LMTK2: variants seen among roughly 807,000 people sequenced by gnomAD.
The protein encoded by LMTK2 is serine/threonine-protein kinase LMTK2.
A neutral mutation model predicts 127.5 loss-of-function variants in LMTK2; 37 were observed. The observed-to-expected ratio is 0.29, with a 90% CI of 0.22 to 0.38. LMTK2 has a LOEUF of 0.38. LMTK2 is among the 10% of genes least tolerant of loss of function. The pLI, the probability that LMTK2 is intolerant of heterozygous loss-of-function variation, is 1.00. For synonymous variants in LMTK2, 819 were observed against 810.1 expected (o/e 1.01, Z -0.19); for missense variants, 1,694 against 1,920.3 (o/e 0.88, Z 2.20).
rs1562905438 is a variant in LMTK2 at position 98,148,141 on chromosome 7, C to T, written c.377-3241C>T. Reference sequence around the variant, plus strand: ...AACCCAAGAGGCAGAGGTTGCAGTGCGGGATTGCACTGTTGCACTCCAGCC... The same window carrying T: ...AACCCAAGAGGCAGAGGTTGCAGTGTGGGATTGCACTGTTGCACTCCAGCC... On this transcript the variant is annotated intron_variant, in intron 3 of 13. Transcript: ENST00000297293. Among the ~76,000 whole-genome samples the T allele has an allele frequency of 3.3e-5, 5 of 150,008 alleles. No homozygotes were observed. The South Asian group carries it at 6.4e-4, about 19-fold the overall frequency.
chr7:98,107,700 C>T (rs1796134648), intron 1 of LMTK2, among the ~76,000 whole-genome samples: 1 of 152,194 alleles, frequency 6.6e-6, no homozygotes, highest in Non-Finnish European at 1.5e-5. Flanking sequence ...ACTTGGCGAG[C>T]TGTGCGGAGT....
At chr7:98,151,867 A>G (rs1796861755) in intron 4 of LMTK2, among the ~76,000 whole-genome samples, 1 of 152,176 alleles carries the variant, frequency 6.6e-6, no homozygotes, top group Non-Finnish European at 1.5e-5. Context: ...GAGGGATGCA[A>G]ATCCCTTTCC....
At chr7:98,155,305 T>C (rs1796912076) in intron 5 of LMTK2, among the ~76,000 whole-genome samples, 1 of 152,062 alleles carries the variant, frequency 6.6e-6, no homozygotes, top group Non-Finnish European at 1.5e-5. Context: ...TGGGGAAATA[T>C]AACAAAAGAT....
At chr7:98,169,685 CTGGAGTTTTT>C (rs965040510) in intron 6 of LMTK2, among the ~76,000 whole-genome samples, 1 of 152,082 alleles carries the variant, frequency 6.6e-6, no homozygotes, top group Admixed American at 6.5e-5. Flanking sequence ...GCCTGTAGTC[CTGGAGTTTTT>C]TGCTGGAATT....
intron 3 of LMTK2, among the ~76,000 whole-genome samples, chr7:98,142,370 T>C (rs971319301): frequency 1.2e-4 from 19 of 152,198 alleles, no homozygotes; most frequent in Admixed American, 1.2e-3. Context: ...GTGCATTTCA[T>C]TTAAATATTT....
chr7:98,141,557 C>T lies in LMTK2; in HGVS notation c.376+16C>T. 1 of 1,607,760 alleles carries T rather than the reference C, an allele frequency of 6.2e-7. No homozygotes were observed. The highest frequency in any genetic ancestry group is 8.5e-7 in the Non-Finnish European group (1 of 1,175,960). On this transcript the variant is annotated intron_variant, in intron 3 of 13. Coordinates refer to ENST00000297293, the MANE Select transcript of LMTK2 (RefSeq NM_014916.4). ...CCTTCTGTAGGTAAGACCATACAGC[C>T]TAATGCCACGTTTTCATGAATTGTT...
At chr7:98,166,453 A>G (rs559242265) in intron 6 of LMTK2, among the ~76,000 whole-genome samples, 30 of 152,364 alleles carry the variant, frequency 2.0e-4, no homozygotes, top group African/African-American at 7.2e-4. Flanking sequence ...ATATAAAGAA[A>G]AATATTTTTG....
At chr7:98,202,252 C>CT (rs1462587321) in intron 11 of LMTK2, among the ~76,000 whole-genome samples, 2 of 152,076 alleles carry the variant, frequency 1.3e-5, no homozygotes, top group Non-Finnish European at 2.9e-5. Context: ...GGTTATTATA[C>CT]TTTTCTTTTC....
intron 1 of LMTK2, among the ~76,000 whole-genome samples, chr7:98,123,726 C>G (rs1584247716): frequency 7.0e-6 from 1 of 143,724 alleles, no homozygotes; most frequent in East Asian, 2.0e-4. Flanking sequence ...CACACACACA[C>G]AGACATACAC....
intron 2 of LMTK2, among the ~76,000 whole-genome samples, chr7:98,138,498 A>G (rs1233317439): frequency 6.6e-6 from 1 of 152,172 alleles, no homozygotes; most frequent in East Asian, 1.9e-4. Context: ...ACACTAATGG[A>G]GATCAGTTCC....
chr7:98,147,338 C>T (rs945204352), intron 3 of LMTK2, among the ~76,000 whole-genome samples: 2 of 152,118 alleles, frequency 1.3e-5, no homozygotes, highest in African/African-American at 4.8e-5. Flanking sequence ...CCCACCTCAA[C>T]CTCCCAAGTA....
At chr7:98,138,590 A>G (rs1193991450) in intron 2 of LMTK2, among the ~76,000 whole-genome samples, 2 of 152,138 alleles carry the variant, frequency 1.3e-5, no homozygotes, top group East Asian at 3.9e-4. Context: ...ACACACTGCT[A>G]TGGCGCCTGC....
chr7:98,160,364 G>A (rs139542720), intron 6 of LMTK2, among the ~76,000 whole-genome samples: 2 of 152,178 alleles, frequency 1.3e-5, no homozygotes, highest in Admixed American at 1.3e-4. Flanking sequence ...TGGCAGAGGT[G>A]GTTGATTAAT....
At chr7:98,144,197 G>A (rs1316974887) in intron 3 of LMTK2, among the ~76,000 whole-genome samples, 2 of 152,102 alleles carry the variant, frequency 1.3e-5, no homozygotes, top group African/African-American at 4.8e-5. Flanking sequence ...TCGGGAGGCC[G>A]AGGCAGGTGG....
chr7:98,128,578 A>G (rs1796476669), intron 1 of LMTK2, among the ~76,000 whole-genome samples: 1 of 152,246 alleles, frequency 6.6e-6, no homozygotes, highest in South Asian at 2.1e-4. Context: ...AAACAAATTT[A>G]AATCACATCT....
In LMTK2 at chr7:98,164,405, A is replaced by G. The variant is rs554875881; in HGVS notation, c.657+4980A>G. ...CCCCGCCCCTGACTTGCCTGCTCGG[A>G]TGTTCATTCTGCCACTCACTGGTTT... On this transcript the variant is annotated intron_variant, in intron 6 of 13. Coordinates refer to ENST00000297293, the MANE Select transcript of LMTK2 (RefSeq NM_014916.4). Among the ~76,000 whole-genome samples the G allele has an allele frequency of 9.2e-5, 14 of 152,280 alleles. No individual in the cohort carries two copies. In the South Asian group the frequency reaches 2.7e-3, roughly 29 times the overall value.
chr7:98,195,637 G>T (rs956207945), intron 11 of LMTK2, among the ~76,000 whole-genome samples: 1 of 152,084 alleles, frequency 6.6e-6, no homozygotes, highest in South Asian at 2.1e-4. Context: ...CACATTGCTT[G>T]CCCTCCCTTT....
chr7:98,198,866 C>T (rs552107822), intron 11 of LMTK2, among the ~76,000 whole-genome samples: 6 of 152,240 alleles, frequency 3.9e-5, no homozygotes, highest in Non-Finnish European at 5.9e-5. Flanking sequence ...TGTGAGTTTT[C>T]GTTTTCATTC....
Position 98,140,090 on chromosome 7 carries a change from C to A in LMTK2, c.232-1307C>A, listed in dbSNP as rs1304373528. Among the ~76,000 whole-genome samples the A allele has an allele frequency of 8.6e-4, 2 of 2,318 alleles. 1 individual carries two copies. Among genetic ancestry groups the A allele is most frequent in the Non-Finnish European group, 1.6e-3 (2 of 1,254 alleles). 1.5% of individuals were successfully genotyped at this position (2,318 alleles called of 152,430 possible). On this transcript the variant is annotated intron_variant, in intron 2 of 13. Transcript: ENST00000297293. ...AAGGTTTCCACAACTTTCTTTCTTTCTTTCTTTCTTTCTTTCTTTCTTTCT... is the reference window on the plus strand; with the variant it reads ...AAGGTTTCCACAACTTTCTTTCTTTATTTCTTTCTTTCTTTCTTTCTTTCT...
Sources: allele counts gnomAD v4.1 joint callset (sites outside exome capture counted in the v4.1 genomes callset), GRCh38; gene constraint gnomAD v4.1.1; transcripts MANE v1.5; gene names NCBI Gene and HGNC (gene_info 2026-07-23, HGNC 2026-07-21).